SDK2: variants seen among roughly 807,000 people sequenced by gnomAD.
The protein encoded by SDK2 is sidekick cell adhesion molecule 2.
Under a neutral mutation model 253.9 loss-of-function variants are expected in SDK2, and 105 were observed. The observed-to-expected ratio is 0.41, with a 90% CI of 0.35 to 0.49. The LOEUF is 0.49. Among genes scored for constraint, SDK2 ranks in the 20% least tolerant of loss-of-function variants. SDK2 has a pLI of 0.06. For synonymous variants in SDK2, 1,249 were observed against 1,234.9 expected, an observed-to-expected ratio of 1.01 and a Z score of -0.24; for missense variants, 2,608 against 3,003.0, an observed-to-expected ratio of 0.87 and a Z score of 3.07.
chr17:73,415,664 C>CT, intron 17 of SDK2, 147 bp downstream of exon 17: 1 of 676,408 alleles, frequency 1.5e-6, no homozygotes, highest in Non-Finnish European at 2.5e-6. Flanking sequence ...ATTTTTTTCA[C>CT]TTTTTGTAGA....
intron 12 of SDK2, among the ~76,000 whole-genome samples, chr17:73,426,868 T>A (rs1463909731): frequency 6.6e-6 from 1 of 151,938 alleles, no homozygotes; most frequent in Non-Finnish European, 1.5e-5. Context: ...TGGCGGATCA[T>A]GAGGTCAGGA....
chr17:73,599,451 C>T (rs1252856401), intron 1 of SDK2, among the ~76,000 whole-genome samples: 2 of 152,032 alleles, frequency 1.3e-5, no homozygotes, highest in African/African-American at 4.8e-5. Context: ...AGGAGAATCA[C>T]TTGAACCCAG....
intron 4 of SDK2, among the ~76,000 whole-genome samples, chr17:73,450,224 G>A (rs1185345304): frequency 2.6e-5 from 4 of 152,228 alleles, no homozygotes; most frequent in African/African-American, 9.6e-5. Context: ...CCTCTAAAGG[G>A]CATGCAGCTT....
chr17:73,532,109 G>A (rs1415279054), intron 1 of SDK2, among the ~76,000 whole-genome samples: 1 of 152,222 alleles, frequency 6.6e-6, no homozygotes, highest in Non-Finnish European at 1.5e-5. Context: ...GTCCGGAGAT[G>A]TTTTTGGTCG....
At chr17:73,641,591 T>C (rs1271774205) in intron 1 of SDK2, among the ~76,000 whole-genome samples, 2 of 139,512 alleles carry the variant, frequency 1.4e-5, no homozygotes, top group African/African-American at 5.3e-5. Flanking sequence ...CCACCCCCCA[T>C]CCCCAAAAAA....
chr17:73,421,573 C>CTTTTTT (rs36068491), intron 15 of SDK2, among the ~76,000 whole-genome samples: 27 of 90,772 alleles, frequency 3.0e-4, no homozygotes, highest in African/African-American at 8.1e-4. Flanking sequence ...CAATTTCCAT[C>CTTTTTT]TTTTTTTTTT....
At chr17:73,537,390 C>G (rs1288948544) in intron 1 of SDK2, among the ~76,000 whole-genome samples, 1 of 152,140 alleles carries the variant, frequency 6.6e-6, no homozygotes, top group African/African-American at 2.4e-5. Context: ...CCTTCTGCCC[C>G]GACTCCAGCC....
At chr17:73,428,666 T>A (rs2063303043) in intron 12 of SDK2, among the ~76,000 whole-genome samples, 1 of 152,186 alleles carries the variant, frequency 6.6e-6, no homozygotes. Flanking sequence ...GGTGACACAT[T>A]AGAATCACCT....
At chr17:73,537,701 T>C (rs9890701) in intron 1 of SDK2, among the ~76,000 whole-genome samples, 87,117 of 151,778 alleles carry the variant, frequency 0.57, 25,197 homozygotes, top group South Asian at 0.65. Flanking sequence ...GGAGGGAGAA[T>C]TGCCTGTAAG....
intron 3 of SDK2, among the ~76,000 whole-genome samples, chr17:73,470,859 G>A (rs1041083347): frequency 5.3e-5 from 8 of 152,290 alleles, no homozygotes; most frequent in South Asian, 2.1e-4. Flanking sequence ...ACAGTACAAC[G>A]TGGGACTTCT....
chr17:73,643,988 G>T lies in SDK2; in HGVS notation c.64+37C>A. The stretch of plus-strand genomic sequence containing the variant: ...CGCCCCTCCCCCGCCCACTCTCCCA[G>T]CCCCCTCCCTGTCCCCACGTGGGGG... On this transcript the variant is annotated intron_variant, in intron 1 of 44. Transcript: ENST00000392650. This position sits in a 1 kb window ranked among gnomAD's most constrained non-coding sequence, Gnocchi z 6.9. The T allele has an allele frequency of 1.9e-6, 1 of 522,818 alleles. No individual in the cohort carries two copies. The highest frequency in any genetic ancestry group is 3.3e-6 in the Non-Finnish European group (1 of 301,832). 32.4% of individuals were successfully genotyped at this position (522,818 alleles called of 1,614,324 possible). A position where few individuals can be genotyped will look rare whatever the true frequency, so the allele number is the denominator to read the frequency against.
chr17:73,481,332 C>T lies in SDK2; in HGVS notation c.225-9114G>A, dbSNP rs559512552. ...CCTGAGGGTGGAGAGGGGGTACCCG[C>T]AGTGGACAGAACAGGGAGGAACCCC... On this transcript the variant is annotated intron_variant, in intron 2 of 44. Transcript: ENST00000392650. The surrounding 1 kb of genome is among the most constrained non-coding windows in gnomAD (Gnocchi z 4.5). Among the ~76,000 whole-genome samples, 4 of 152,238 alleles carry T rather than the reference C, an allele frequency of 2.6e-5. No individual in the cohort carries two copies. Among genetic ancestry groups the T allele is most frequent in the African/African-American group, 9.6e-5 (4 of 41,552 alleles).
rs375919118 is a variant in SDK2 at position 73,496,778 on chromosome 17, C to T, written c.224+10660G>A. 4.5e-4 allele frequency among the ~76,000 whole-genome samples: 69 copies of T among 152,282 alleles called. No homozygotes were observed. The highest frequency in any genetic ancestry group is 1.6e-3 in the African/African-American group (65 of 41,550). ...TTCCTACTTGCCTGTGAGGATTCCC[C>T]CTCCACTCCCTGCCCCGACTTGCTC... On this transcript the variant is annotated intron_variant, in intron 2 of 44. Coordinates refer to ENST00000392650, the MANE Select transcript of SDK2 (RefSeq NM_001144952.2). This position sits in a 1 kb window ranked among gnomAD's most constrained non-coding sequence, Gnocchi z 4.7.
chr17:73,479,101 C>A (rs1473444604), intron 2 of SDK2, among the ~76,000 whole-genome samples: 3 of 152,262 alleles, frequency 2.0e-5, no homozygotes. Context: ...ATGAGGCCTC[C>A]TCTCCTCAAG....
At chr17:73,417,403 C>T (rs2063191428) in intron 16 of SDK2, among the ~76,000 whole-genome samples, 1 of 146,032 alleles carries the variant, frequency 6.8e-6, no homozygotes, top group South Asian at 2.1e-4. Flanking sequence ...GAGACCCTGT[C>T]TCAAAAAAAA....
chr17:73,414,949 T>A (rs9907232), intron 17 of SDK2, among the ~76,000 whole-genome samples, 190 bp from the exon 18 acceptor site: 150,351 of 152,280 alleles, frequency 0.99, 74,251 homozygotes, highest in East Asian at 1. Flanking sequence ...TTGCGTTTAA[T>A]AAAACTTGCC....
intron 1 of SDK2, among the ~76,000 whole-genome samples, chr17:73,555,425 T>G (rs1320399499): frequency 6.6e-6 from 1 of 152,200 alleles, no homozygotes. Flanking sequence ...GCACTGGACC[T>G]TGGACTCCGC....
intron 18 of SDK2, among the ~76,000 whole-genome samples, chr17:73,408,140 C>A (rs149030862): frequency 1.3e-5 from 2 of 150,336 alleles, no homozygotes; most frequent in Middle Eastern, 3.4e-3. Context: ...CAACCCCTGC[C>A]TCAAGAATTC....
At chr17:73,469,985 C>CGCGCGT (rs1555585127) in intron 3 of SDK2, among the ~76,000 whole-genome samples, 1,097 of 92,810 alleles carry the variant, frequency 0.012, 4 homozygotes, top group African/African-American at 0.032. Context: ...TGCGACTGCG[C>CGCGCGT]GCGCGCGCAC....
Sources: allele counts gnomAD v4.1 joint callset (sites outside exome capture counted in the v4.1 genomes callset), GRCh38; gene constraint gnomAD v4.1.1; non-coding constraint Gnocchi (gnomAD v3.1); transcripts MANE v1.5; gene names NCBI Gene and HGNC (gene_info 2026-07-23, HGNC 2026-07-21).